Variants in SUN3 observed in about 807,000 individuals in gnomAD.
SUN3 encodes Sad1 and UNC84 domain containing 3.
Under a neutral mutation model 48.2 loss-of-function variants are expected in SUN3, and 36 were observed. The ratio of observed to expected loss-of-function variants is 0.75; its 90% CI spans 0.57 to 0.99. SUN3 has a LOEUF of 0.99. SUN3 is among the 50% of genes least tolerant of loss of function. The pLI is 0.00. For missense variants in SUN3, 419 were observed against 433.1 expected, an observed-to-expected ratio of 0.97 and a Z score of 0.29; for synonymous variants, 148 against 147.9, an observed-to-expected ratio of 1.00 and a Z score of 0.00.
chr7:48,028,479 CAAAAAAAAAAAAA>C (rs55997019), intron 1 of SUN3, among the ~76,000 whole-genome samples: 11 of 45,262 alleles, frequency 2.4e-4, no homozygotes, highest in African/African-American at 1.1e-3. Flanking sequence ...AGCCCAATGA[CAAAAAAAAAAAAA>C]AAAAAAAAAA....
intron 4 of SUN3, 106 bp downstream of exon 4, chr7:48,008,929 A>G: frequency 1.0e-6 from 1 of 982,714 alleles, no homozygotes; most frequent in Non-Finnish European, 1.5e-6. Context: ...TGAAATTTTG[A>G]GTTATTTCAG....
intron 3 of SUN3, among the ~76,000 whole-genome samples, chr7:48,012,680 A>G (rs1789716167): frequency 6.6e-6 from 1 of 152,224 alleles, no homozygotes; most frequent in Non-Finnish European, 1.5e-5. Flanking sequence ...TATTGGAGTA[A>G]GTAATTTGAA....
intron 1 of SUN3, among the ~76,000 whole-genome samples, chr7:48,026,188 A>C (rs1031135578): frequency 2.0e-5 from 3 of 152,112 alleles, no homozygotes; most frequent in African/African-American, 7.2e-5. Flanking sequence ...TTACTTTCAC[A>C]TATGCAATGC....
Position 48,009,015 on chromosome 7 carries a change from T to C in SUN3, c.329+20A>G, listed in dbSNP as rs753464255. On this transcript the variant is annotated intron_variant, in intron 4 of 9. Coordinates refer to ENST00000297325, the MANE Select transcript of SUN3 (RefSeq NM_001030019.2). ...TGAAACCACACCAAAAAGAGGCATA[T>C]AGCAAAAGATCGCACTCACTTTAAA... 1.9e-6 allele frequency: 3 copies of C among 1,607,574 alleles called. No homozygotes were observed. Among genetic ancestry groups the C allele is most frequent in the African/African-American group, 1.3e-5 (1 of 74,722 alleles).
chr7:48,014,148 G>T (rs1343024214), intron 3 of SUN3, among the ~76,000 whole-genome samples: 1 of 151,964 alleles, frequency 6.6e-6, no homozygotes, highest in African/African-American at 2.4e-5. Flanking sequence ...TGATGTTCAG[G>T]CTGGTCTTGA....
chr7:48,005,706 C>T (rs984091909), intron 6 of SUN3, among the ~76,000 whole-genome samples: 1 of 151,810 alleles, frequency 6.6e-6, no homozygotes, highest in Non-Finnish European at 1.5e-5. Context: ...CACAACTTCA[C>T]TGTGGCATCT....
At chr7:48,024,975 A>C (rs532648623) in intron 2 of SUN3, among the ~76,000 whole-genome samples, 1 of 152,158 alleles carries the variant, frequency 6.6e-6, no homozygotes, top group Non-Finnish European at 1.5e-5. Context: ...GTCCTCCTAC[A>C]CTGCTTGTGG....
intron 4 of SUN3, 144 bp downstream of exon 4, chr7:48,008,891 A>T: frequency 1.5e-6 from 1 of 685,486 alleles, no homozygotes; most frequent in Non-Finnish European, 2.5e-6. Flanking sequence ...TGATATCATT[A>T]AATATTAATA....
intron 3 of SUN3, among the ~76,000 whole-genome samples, chr7:48,009,481 A>G (rs1379886657): frequency 6.6e-6 from 1 of 152,208 alleles, no homozygotes; most frequent in Non-Finnish European, 1.5e-5. Context: ...TAAGGAGCAC[A>G]TGGCGACGTT....
chr7:48,029,102 G>C lies in SUN3; in HGVS notation c.-164C>G, dbSNP rs180689406. 3.0e-6 allele frequency: 3 copies of C among 1,009,430 alleles called. No individual in the cohort carries two copies. In the East Asian group the frequency reaches 8.3e-5, roughly 28 times the overall value. 62.5% of individuals were successfully genotyped at this position (1,009,430 alleles called of 1,614,324 possible). A position where few individuals can be genotyped will look rare whatever the true frequency, so the allele number is the denominator to read the frequency against. ...CTTCTTGAAGACGGAATTTTGAAAA[G>C]CTTCTGATTCTTCTGTTGCATCATC... On this transcript the variant is annotated 5_prime_UTR_variant, in exon 1 of 10. Coordinates refer to ENST00000297325, the MANE Select transcript of SUN3 (RefSeq NM_001030019.2).
At chr7:48,027,920 G>A (rs1275164085) in intron 1 of SUN3, among the ~76,000 whole-genome samples, 1 of 152,174 alleles carries the variant, frequency 6.6e-6, no homozygotes, top group Non-Finnish European at 1.5e-5. Flanking sequence ...TTGGTGGGCT[G>A]CATTAAGTGA....
chr7:48,014,039 G>T (rs916040876), intron 3 of SUN3, among the ~76,000 whole-genome samples: 4 of 152,192 alleles, frequency 2.6e-5, no homozygotes, highest in Non-Finnish European at 5.9e-5. Flanking sequence ...AAGCACAGCT[G>T]ACTGCAGCCT....
At chr7:47,999,955 T>C (rs1202182784) in intron 6 of SUN3, among the ~76,000 whole-genome samples, 1 of 152,254 alleles carries the variant, frequency 6.6e-6, no homozygotes, top group Non-Finnish European at 1.5e-5. Context: ...TTATCATTCA[T>C]ATAAAATCTT....
intron 2 of SUN3, among the ~76,000 whole-genome samples, chr7:48,019,705 C>CCT (rs1218497454): frequency 2.0e-5 from 3 of 151,906 alleles, no homozygotes; most frequent in African/African-American, 7.2e-5. Context: ...AATTACTAGA[C>CCT]ACATACAACC....
At chr7:48,020,764 A>T (rs1267510387) in intron 2 of SUN3, among the ~76,000 whole-genome samples, 1 of 152,184 alleles carries the variant, frequency 6.6e-6, no homozygotes, top group Non-Finnish European at 1.5e-5. Flanking sequence ...ACTATAAAAC[A>T]TTGATGAAAG....
intron 8 of SUN3, among the ~76,000 whole-genome samples, chr7:47,989,190 G>A (rs990847325): frequency 2.6e-5 from 4 of 152,220 alleles, no homozygotes; most frequent in Non-Finnish European, 5.9e-5. Flanking sequence ...ACAGCTGATA[G>A]ATGGAAGACA....
intron 6 of SUN3, among the ~76,000 whole-genome samples, chr7:47,998,279 G>A (rs560179434): frequency 3.2e-4 from 49 of 152,170 alleles, no homozygotes; most frequent in Admixed American, 2.1e-3. Context: ...GGTGTGTAAT[G>A]ATATAACATT....
intron 3 of SUN3, among the ~76,000 whole-genome samples, chr7:48,010,854 C>T (rs1789663746): frequency 6.6e-6 from 1 of 152,178 alleles, no homozygotes; most frequent in Non-Finnish European, 1.5e-5. Flanking sequence ...AGTGTAAGGT[C>T]AACGTGTCCA....
intron 6 of SUN3, among the ~76,000 whole-genome samples, chr7:48,000,455 C>A (rs763921370): frequency 6.6e-6 from 1 of 152,206 alleles, no homozygotes; most frequent in Non-Finnish European, 1.5e-5. Flanking sequence ...TCTTTACTCA[C>A]AGATGAGGCT....
Sources: gnomAD v4.1 joint callset for allele counts (sites outside exome capture counted in the v4.1 genomes callset) on GRCh38, gnomAD v4.1.1 for gene constraint, MANE v1.5 for transcripts, NCBI Gene and HGNC (gene_info 2026-07-23, HGNC 2026-07-21) for gene names.